ZMIZ1: variants seen among roughly 807,000 people sequenced by gnomAD.
The protein encoded by ZMIZ1 is zinc finger MIZ domain-containing protein 1.
Under a neutral mutation model 113.9 loss-of-function variants are expected in ZMIZ1, and 17 were observed. That is an observed-to-expected ratio of 0.15 (90% CI 0.10 to 0.22). The LOEUF (loss-of-function observed/expected upper bound fraction) is 0.22, where lower values mean the gene tolerates loss of function less well. Ranked by LOEUF, ZMIZ1 falls within the 10% of genes least tolerant of loss-of-function variation. The pLI is 1.00. For missense variants in ZMIZ1, 1,059 were observed against 1,477.8 expected (o/e 0.72, Z 4.65); for synonymous variants, 607 against 603.1 (o/e 1.01, Z -0.09).
intron 3 of ZMIZ1, among the ~76,000 whole-genome samples, chr10:79,142,479 G>T (rs529968435): frequency 6.6e-6 from 1 of 152,304 alleles, no homozygotes; most frequent in East Asian, 1.9e-4. Context: ...GGAACAGAAA[G>T]CAGGCTCTGA....
intron 7 of ZMIZ1, among the ~76,000 whole-genome samples, chr10:79,263,790 C>T (rs543158328): frequency 1.3e-5 from 2 of 152,036 alleles, no homozygotes; most frequent in East Asian, 1.9e-4. Flanking sequence ...GGTCTCTTGC[C>T]GTCTGTGAAG....
chr10:79,297,019 G>A (rs1206283746), intron 13 of ZMIZ1: 2 of 190,704 alleles, frequency 1.0e-5, no homozygotes, highest in African/African-American at 2.3e-5. Flanking sequence ...TTATAAAATT[G>A]TTATTACAGC....
chr10:79,206,120 A>G (rs927643588), intron 5 of ZMIZ1, among the ~76,000 whole-genome samples: 3 of 151,536 alleles, frequency 2.0e-5, no homozygotes, highest in Non-Finnish European at 4.4e-5. Context: ...AAAAAAAAAA[A>G]GCCAGCAAAG....
intron 1 of ZMIZ1, among the ~76,000 whole-genome samples, chr10:79,103,198 G>A (rs881406): frequency 0.14 from 21,286 of 152,096 alleles, 1,832 homozygotes; most frequent in Admixed American, 0.24. Context: ...CCCAGGGGTA[G>A]GAATATGCTT....
chr10:79,168,421 G>A (rs2132521783), intron 4 of ZMIZ1, among the ~76,000 whole-genome samples: 1 of 152,202 alleles, frequency 6.6e-6, no homozygotes, highest in East Asian at 1.9e-4. Context: ...CTCCAAGCCA[G>A]CCATCTGCTC....
chr10:79,210,849 GATGGAGGGATC>G (rs1232641109), intron 6 of ZMIZ1, among the ~76,000 whole-genome samples: 1 of 152,178 alleles, frequency 6.6e-6, no homozygotes, highest in Non-Finnish European at 1.5e-5. Context: ...TTGAGGGCAG[GATGGAGGGATC>G]ATGGAGGGCT....
At position 79,093,816 on chromosome 10, in the gene ZMIZ1, C is replaced by T. The variant is rs77540005; in HGVS notation, c.-337+24546C>T. ...GCCTCTCTCTGGGCCATCCCTGCCG[C>T]AAGCACTCTGCAGACAGACAGTCTT... On this transcript the variant is annotated intron_variant, in intron 1 of 24. Transcript: ENST00000334512. 4.6e-3 allele frequency among the ~76,000 whole-genome samples: 700 copies of T among 152,292 alleles called. 37 individuals are homozygous for T. The East Asian group carries it at 0.12, about 25-fold the overall frequency.
At chr10:79,245,884 G>T in intron 7 of ZMIZ1, among the ~76,000 whole-genome samples, 1 of 152,232 alleles carries the variant, frequency 6.6e-6, no homozygotes, top group East Asian at 1.9e-4. Flanking sequence ...TAGCCGCCTT[G>T]TTGGGCAGCT....
intron 3 of ZMIZ1, among the ~76,000 whole-genome samples, chr10:79,150,405 G>T (rs1211595671): frequency 6.6e-6 from 1 of 152,268 alleles, no homozygotes; most frequent in Non-Finnish European, 1.5e-5. Flanking sequence ...CGTGGTGGCA[G>T]CTCTGGGCCC....
intron 3 of ZMIZ1, among the ~76,000 whole-genome samples, chr10:79,160,673 C>G (rs894645977): frequency 1.7e-4 from 26 of 152,252 alleles, no homozygotes; most frequent in African/African-American, 6.3e-4. Flanking sequence ...TGCCTCTTAT[C>G]GAGGCCCTGG....
In ZMIZ1 at chr10:79,296,805, C is replaced by G. The variant is rs149782373; in HGVS notation, c.1413+152C>G. The G allele has an allele frequency of 3.2e-6, 2 of 627,022 alleles. No homozygotes were observed. Among genetic ancestry groups the G allele is most frequent in the Non-Finnish European group, 4.9e-6 (2 of 407,990 alleles). 38.8% of individuals were successfully genotyped at this position (627,022 alleles called of 1,614,324 possible). A position where few individuals can be genotyped will look rare whatever the true frequency, so the allele number is the denominator to read the frequency against. ...TCTGAACGTCCCCATGTGTTCAGGG[C>G]GAAGTTCGGTGGCCAGAATGTCAGA... On this transcript the variant is annotated intron_variant, in intron 13 of 24. Coordinates refer to ENST00000334512, the MANE Select transcript of ZMIZ1 (RefSeq NM_020338.4). The surrounding 1 kb of genome is among the most constrained non-coding windows in gnomAD (Gnocchi z 4.1).
chr10:79,088,560 G>A (rs1169679191), intron 1 of ZMIZ1, among the ~76,000 whole-genome samples: 29 of 152,204 alleles, frequency 1.9e-4, no homozygotes, highest in Admixed American at 1.9e-3. Flanking sequence ...GTGACAGAGA[G>A]GGACACATGG....
chr10:79,139,460 T>C (rs954556655), intron 2 of ZMIZ1, among the ~76,000 whole-genome samples: 3 of 152,208 alleles, frequency 2.0e-5, no homozygotes, highest in Admixed American at 6.5e-5. Flanking sequence ...CTTATATTTA[T>C]ATATTTTTCA....
Position 79,304,160 on chromosome 10 carries a change from T to C in ZMIZ1, c.2271T>C (p.Asp757=), listed in dbSNP as rs1264834462. 1.3e-5 allele frequency: 21 copies of C among 1,613,658 alleles called. No homozygotes were observed. Among genetic ancestry groups the C allele is most frequent in the African/African-American group, 5.3e-5 (4 of 74,896 alleles). ...RRIQLPARGH[D]CKHVQCFDLE... The stretch of plus-strand genomic sequence containing the variant: ...TCCAGCTGCCTGCTCGAGGACACGA[T>C]TGCAAGCATGTGCAGGTGAGCGGCC... Residue 757 remains aspartate, a synonymous_variant, in exon 19 of 25, where the codon GAT becomes GAC. Coordinates refer to ENST00000334512, the MANE Select transcript of ZMIZ1 (RefSeq NM_020338.4).
chr10:79,104,666 G>A lies in ZMIZ1; in HGVS notation c.-336-14249G>A, dbSNP rs114115113. ...CAGGGGAGGGCTCTTTTGCTGTTGG[G>A]GCTTCCTGTGAGAGCCACAGCCCTG... On this transcript the variant is annotated intron_variant, in intron 1 of 24. Coordinates refer to ENST00000334512, the MANE Select transcript of ZMIZ1 (RefSeq NM_020338.4). 4.9e-3 allele frequency among the ~76,000 whole-genome samples: 740 copies of A among 152,204 alleles called. 4 individuals are homozygous for A. The highest frequency in any genetic ancestry group is 0.017 in the African/African-American group (708 of 41,516).
intron 7 of ZMIZ1, among the ~76,000 whole-genome samples, chr10:79,253,268 C>T (rs148932707): frequency 4.3e-4 from 65 of 152,270 alleles, no homozygotes; most frequent in African/African-American, 1.4e-3. Flanking sequence ...TCCACTAGGA[C>T]GTGTGGGGGT....
At chr10:79,248,428 C>A (rs1315293362) in intron 7 of ZMIZ1, among the ~76,000 whole-genome samples, 1 of 152,132 alleles carries the variant, frequency 6.6e-6, no homozygotes, top group African/African-American at 2.4e-5. Context: ...GCAACACCTT[C>A]AGGGCAGTGG....
In ZMIZ1 at chr10:79,220,036, A is replaced by T. The variant is rs182599505; in HGVS notation, c.280+3762A>T. 9.8e-4 allele frequency among the ~76,000 whole-genome samples: 149 copies of T among 152,264 alleles called. 4 individuals carry two copies. The East Asian group carries it at 0.021, about 22-fold the overall frequency. The stretch of plus-strand genomic sequence containing the variant: ...GGACCTGCCAGGAGCAGGCTGGGCC[A>T]TAAGAGGGGTGGAGGCCATGGGGAG... On this transcript the variant is annotated intron_variant, in intron 7 of 24. Transcript: ENST00000334512.
intron 7 of ZMIZ1, among the ~76,000 whole-genome samples, chr10:79,236,497 G>C (rs1849595175): frequency 6.6e-6 from 1 of 152,168 alleles, no homozygotes; most frequent in Non-Finnish European, 1.5e-5. Flanking sequence ...ACGGACATTC[G>C]AGCTGCCGTT....
Sources: gnomAD v4.1 joint callset for allele counts (sites outside exome capture counted in the v4.1 genomes callset) on GRCh38, gnomAD v4.1.1 for gene constraint, Gnocchi (gnomAD v3.1) non-coding constraint, MANE v1.5 for transcripts, NCBI Gene and HGNC (gene_info 2026-07-23, HGNC 2026-07-21) for gene names.